DNAH17: variants seen among roughly 807,000 people sequenced by gnomAD.
The protein encoded by DNAH17 is dynein axonemal heavy chain 17, also known as axonemal beta dynein heavy chain 17.
In DNAH17, 376 loss-of-function variants were observed where a neutral mutation model predicts 485.6. The ratio of observed to expected loss-of-function variants is 0.77; its 90% CI spans 0.71 to 0.84. The LOEUF (loss-of-function observed/expected upper bound fraction) is 0.84, where lower values mean the gene tolerates loss of function less well. DNAH17 is among the 40% of genes least tolerant of loss of function. The probability of loss-of-function intolerance (pLI) is 0.00; values close to 1 mark genes in which losing one functional copy is unlikely to be tolerated. For missense variants in DNAH17, 6,370 were observed against 5,839.3 expected (o/e 1.09, Z -2.96); for synonymous variants, 3,031 against 2,405.9 (o/e 1.26, Z -7.60).
At chr17:78,455,910 G>T in intron 62 of DNAH17, 74 bp from the exon 63 acceptor site, 1 of 1,253,356 alleles carries the variant, frequency 8.0e-7, no homozygotes, top group Non-Finnish European at 1.1e-6. Context: ...CTCCACCTCT[G>T]CACCTCTGTG....
intron 66 of DNAH17, 101 bp downstream of exon 66, chr17:78,451,368 C>T (rs1397973015): frequency 4.5e-6 from 5 of 1,108,512 alleles, no homozygotes; most frequent in Middle Eastern, 3.1e-4. Context: ...AGCAACGACA[C>T]ACACTGGACT....
intron 16 of DNAH17, among the ~76,000 whole-genome samples, chr17:78,550,859 C>T (rs1011517206): frequency 6.6e-6 from 1 of 152,162 alleles, no homozygotes; most frequent in Non-Finnish European, 1.5e-5. Context: ...CAAGGGAGGA[C>T]TCAAAGTATG....
intron 80 of DNAH17, 52 bp downstream of exon 80, chr17:78,425,293 GC>G: frequency 1.3e-6 from 2 of 1,550,206 alleles, no homozygotes; most frequent in South Asian, 1.1e-5. Context: ...TCTTGTCTTG[GC>G]AAGTAGCACT....
Position 78,514,892 on chromosome 17 carries a change from G to T in DNAH17, c.3995C>A (p.Ala1332Asp). Residue 1332 changes from alanine to aspartate, a missense_variant, in exon 26 of 81, where the codon GCC (alanine) becomes GAC (aspartate). Coordinates refer to ENST00000389840, the MANE Select transcript of DNAH17 (RefSeq NM_173628.4). ...CACGGTGTTGTCGAGCCCCACGAAG[G>T]CATCCCAGGTTTTCATCTCCTTGTC... ...SLDKEMKTWD[A>D]FVGLDNTVKN... 1.2e-6 allele frequency: 2 copies of T among 1,614,048 alleles called. No individual in the cohort carries two copies. The highest frequency in any genetic ancestry group is 1.7e-6 in the Non-Finnish European group (2 of 1,179,900).
chr17:78,476,495 G>T, intron 52 of DNAH17, 77 bp downstream of exon 52: 3 of 1,497,936 alleles, frequency 2.0e-6, no homozygotes, highest in Non-Finnish European at 2.7e-6. Flanking sequence ...GAGGGCTGCA[G>T]TTCTCATTGG....
chr17:78,573,010 T>G, intron 2 of DNAH17, 116 bp from the exon 3 acceptor site: 2 of 912,410 alleles, frequency 2.2e-6, no homozygotes, highest in Middle Eastern at 3.4e-4. Context: ...CTGGGAAAAC[T>G]GGGTCCCGCA....
rs757908453 is a variant in DNAH17, at chr17:78,574,774, C to A, written c.284G>T (p.Arg95Leu). 3.7e-6 allele frequency: 6 copies of A among 1,613,756 alleles called. No individual in the cohort carries two copies. The African/African-American group carries it at 8.0e-5, about 22-fold the overall frequency. ...GGGGCTGATGTCGCCGTAAAGGAGC[C>A]GGGCCCTGTAGTTGTCCTTGTTGAT... The part of the protein sequence containing the change: ...ENINKDNYRA[R>L]LLYGDISPTP... Residue 95 changes from arginine to leucine, a missense_variant, in exon 2 of 81, where the codon CGG becomes CTG. Arg to Leu is a moderately radical substitution (Grantham distance 102). Coordinates refer to ENST00000389840, the MANE Select transcript of DNAH17 (RefSeq NM_173628.4).
chr17:78,521,290 C>CA (rs1254474653), intron 25 of DNAH17, among the ~76,000 whole-genome samples: 4 of 152,102 alleles, frequency 2.6e-5, no homozygotes, highest in Non-Finnish European at 5.9e-5. Flanking sequence ...TCTGTAATCC[C>CA]AGCTACTCAG....
At chr17:78,460,549 G>T (rs772488792) in intron 58 of DNAH17, among the ~76,000 whole-genome samples, 6 of 152,240 alleles carry the variant, frequency 3.9e-5, no homozygotes, top group Non-Finnish European at 5.9e-5. Context: ...TGTATTTGCT[G>T]AATGTGCTCC....
Position 78,461,585 on chromosome 17 carries a change from T to A in DNAH17, c.9298A>T (p.Ile3100Phe), listed in dbSNP as rs374418972. The A allele has an allele frequency of 1.2e-6, 2 of 1,605,310 alleles. No individual in the cohort carries two copies. Among genetic ancestry groups the A allele is most frequent in the Admixed American group, 3.4e-5 (2 of 58,694 alleles). ...EAEKVSKEKA[I>F]ADQEEVKVEV... ...ACCTTGACTTCTTCCTGGTCAGCAA[T>A]GGCCTTCTCTTTGCTGACCTTCTCG... Residue 3100 changes from isoleucine (I) to phenylalanine (F), a missense_variant, in exon 58 of 81, where the codon ATT becomes TTT. Physicochemically the swap from Ile to Phe is conservative, Grantham distance 21. Transcript: ENST00000389840.
At chr17:78,440,697 T>C (rs1356005601) in intron 72 of DNAH17, among the ~76,000 whole-genome samples, 1 of 152,260 alleles carries the variant, frequency 6.6e-6, no homozygotes, top group Non-Finnish European at 1.5e-5. Context: ...AACGTCTGTG[T>C]AGAGTACTTG....
intron 25 of DNAH17, among the ~76,000 whole-genome samples, chr17:78,524,481 C>A (rs1480637056): frequency 6.6e-6 from 1 of 152,070 alleles, no homozygotes; most frequent in Non-Finnish European, 1.5e-5. Context: ...GATTTCTCAG[C>A]CCCGGCCTGC....
At position 78,486,041 on chromosome 17, in the gene DNAH17, G is replaced by A. The variant is rs1287239115; in HGVS notation, c.7194C>T (p.Tyr2398=). The part of the protein sequence containing the change: ...FPSQGTIFDY[Y]IDPDTKKFLP... ...GGAACTTTTTTGTGTCAGGATCAAT[G>A]TAGTAGTCAAAAATCGTTCCCTGCG... Residue 2398 remains tyrosine (Y), a synonymous_variant, in exon 46 of 81, where the codon TAC becomes TAT. Transcript: ENST00000389840. The A allele has an allele frequency of 6.2e-7, 1 of 1,614,010 alleles. No individual in the cohort carries two copies.
chr17:78,455,834 A>G lies in DNAH17; in HGVS notation c.9980T>C (p.Leu3327Pro), dbSNP rs2087770892. Residue 3327 changes from leucine (L) to proline (P), a missense_variant and splice_region_variant, in exon 63 of 81, where the codon CTG (leucine) becomes CCG (proline). Physicochemically the swap from Leu to Pro is moderately conservative, Grantham distance 98. Coordinates refer to ENST00000389840, the MANE Select transcript of DNAH17 (RefSeq NM_173628.4). ...GTTTTCCGATGCTAATCCCCCGACCAGCCTAAAGTGGGATGAGAGAGAATA... is the reference window on the plus strand; with the variant it reads ...GTTTTCCGATGCTAATCCCCCGACCGGCCTAAAGTGGGATGAGAGAGAATA... ...TNRVILLANR[L>P]VGGLASENIR... 2.5e-6 allele frequency: 4 copies of G among 1,598,178 alleles called. No homozygotes were observed. Among genetic ancestry groups the G allele is most frequent in the Non-Finnish European group, 3.4e-6 (4 of 1,171,936 alleles).
rs530735903 is a variant in DNAH17 at position 78,486,271 on chromosome 17, C to G, written c.7054G>C (p.Val2352Leu). Reference protein sequence around the residue: ...SPRELYELYFVFTCFWAFGGA... With the variant: ...SPRELYELYFLFTCFWAFGGA... ...CCGAAGGCCCAGAAGCAGGTGAACACGAAGTACAGCTCGTACAGCTCCCTG... is the reference window on the plus strand; with the variant it reads ...CCGAAGGCCCAGAAGCAGGTGAACAGGAAGTACAGCTCGTACAGCTCCCTG... The change falls in exon 45 of 81, where the codon GTG (valine) becomes CTG (leucine). Residue 2352 changes from valine (V) to leucine (L), a missense_variant. Transcript: ENST00000389840. The G allele has an allele frequency of 1.2e-6, 2 of 1,604,202 alleles. No individual in the cohort carries two copies. Among genetic ancestry groups the G allele is most frequent in the Non-Finnish European group, 1.7e-6 (2 of 1,172,886 alleles).
At chr17:78,528,251 G>A (rs566923719) in intron 22 of DNAH17, among the ~76,000 whole-genome samples, 15 of 152,168 alleles carry the variant, frequency 9.9e-5, no homozygotes, top group East Asian at 3.9e-4. Flanking sequence ...CTGAGAACCT[G>A]CTCAGTCCTT....
intron 80 of DNAH17, 79 bp downstream of exon 80, chr17:78,425,267 C>G (rs2086390090): frequency 6.3e-6 from 9 of 1,428,434 alleles, no homozygotes; most frequent in Non-Finnish European, 8.7e-6. Context: ...CCTGTCTTTG[C>G]CAAGAGCTAG....
intron 75 of DNAH17, among the ~76,000 whole-genome samples, chr17:78,430,715 G>A (rs1479943310): frequency 5.9e-5 from 9 of 151,980 alleles, no homozygotes; most frequent in Non-Finnish European, 1.0e-4. Flanking sequence ...TGAGTAGCTG[G>A]GATTACAGGT....
chr17:78,427,456 G>A (rs183900823), intron 77 of DNAH17, among the ~76,000 whole-genome samples: 4 of 152,284 alleles, frequency 2.6e-5, no homozygotes, highest in South Asian at 2.1e-4. Flanking sequence ...TCCTTTACGT[G>A]GGCTTTCTGT....
Sources: allele counts gnomAD v4.1 joint callset (sites outside exome capture counted in the v4.1 genomes callset), GRCh38; gene constraint gnomAD v4.1.1; transcripts MANE v1.5; gene names NCBI Gene and HGNC (gene_info 2026-07-23, HGNC 2026-07-21).